Variants in ARSD observed in about 807,000 individuals in gnomAD.
ARSD encodes the protein arylsulfatase D, also known as testis tissue sperm-binding protein Li 39a.
Under a neutral mutation model 32.6 loss-of-function variants are expected in ARSD, and 21 were observed. The observed-to-expected ratio is 0.64, with a 90% CI of 0.46 to 0.93. The LOEUF (loss-of-function observed/expected upper bound fraction) is 0.93. Ranked by LOEUF, ARSD falls within the 40% of genes least tolerant of loss-of-function variation. The pLI, the probability that ARSD is intolerant of heterozygous loss-of-function variation, is 0.00. For synonymous variants in ARSD, 224 were observed against 237.4 expected, an observed-to-expected ratio of 0.94 and a Z score of 0.52; for missense variants, 454 against 520.9, an observed-to-expected ratio of 0.87 and a Z score of 1.25.
intron 7 of ARSD, 58 bp downstream of exon 7, chrX:2,910,601 C>T: frequency 8.3e-7 from 1 of 1,204,812 alleles, no homozygotes; most frequent in South Asian, 1.8e-5. Context: ...TTCTGGGACC[C>T]TCAGTGGTGG....
At position 2,907,473 on chromosome X, in the gene ARSD, C is replaced by T. The variant is rs777187813; in HGVS notation, c.1580G>A (p.Arg527Gln). 4 of 1,206,990 alleles carry T rather than the reference C, an allele frequency of 3.3e-6. No homozygotes were observed. The highest frequency in any genetic ancestry group is 4.4e-5 in the Admixed American group (2 of 45,477). ...GGGCTCGGAGTCGGGGGTCAGGGGC[C>T]GTGCCTCGGAGGGGTCCCTGGAGAG... ...FDLSRDPSEA[R>Q]PLTPDSEPLY... Residue 527 changes from arginine to glutamine, a missense_variant, in exon 10 of 10, where the codon CGG becomes CAG. Around this residue, in one of 3 missense-constraint regions of ARSD, gnomAD observed 179 missense variants for 198.5 expected, o/e 0.90. Coordinates refer to ENST00000381154, the MANE Select transcript of ARSD (RefSeq NM_001669.4).
At chrX:2,925,939 C>T (rs2089078935) in intron 1 of ARSD, among the ~76,000 whole-genome samples, 174 bp from the exon 2 acceptor site, 1 of 111,391 alleles carries the variant, frequency 9.0e-6, no homozygotes, top group African/African-American at 3.3e-5. Context: ...TGGGCCAAAC[C>T]GAGGGTCAGA....
rs779154450 is a variant in ARSD at position 2,915,736 on chromosome X, A to G, written c.864-44T>C. On this transcript the variant is annotated intron_variant, in intron 5 of 9. Transcript: ENST00000381154. ...CTTGAGAATACACAGAATATACAGTACACCAAAGGGACCCCTGCACCCATA... is the reference window on the plus strand; with the variant it reads ...CTTGAGAATACACAGAATATACAGTGCACCAAAGGGACCCCTGCACCCATA... 17 of 1,158,647 alleles carry G rather than the reference A, an allele frequency of 1.5e-5. No individual in the cohort carries two copies. In the South Asian group the frequency reaches 3.2e-4, roughly 22 times the overall value.
rs371280524 is a variant in ARSD, at chrX:2,907,253, C to G, written c.*18G>C. On this transcript the variant is annotated 3_prime_UTR_variant, in exon 10 of 10. Coordinates refer to ENST00000381154, the MANE Select transcript of ARSD (RefSeq NM_001669.4). ...ACGCAGTCAGGCTCTCCTGGATCCT[C>G]TCTCACAGTCCTGGCATTCAGGGGG... 3.4e-6 allele frequency: 4 copies of G among 1,190,505 alleles called. No homozygotes were observed. The East Asian group carries it at 1.2e-4, about 35-fold the overall frequency.
rs748572385 is a variant in ARSD, at chrX:2,920,456, C to T, written c.439+145G>A. 19 of 854,507 alleles carry T rather than the reference C, an allele frequency of 2.2e-5. 1 individual carries two copies. Among genetic ancestry groups the T allele is most frequent in the Middle Eastern group, 2.9e-4 (1 of 3,479 alleles). The allele number at this position is 854,507 out of a possible 1,213,427, so 70.4% of individuals were successfully genotyped here. A position where few individuals can be genotyped will look rare whatever the true frequency, so the allele number is the denominator to read the frequency against. Reference sequence around the variant, plus strand: ...TGTGATCTCGGCTCCCTGCAACCTCCGCTTCCCGGGTTCAAGCGATTCTCC... The same window carrying T: ...TGTGATCTCGGCTCCCTGCAACCTCTGCTTCCCGGGTTCAAGCGATTCTCC... On this transcript the variant is annotated intron_variant, in intron 4 of 9. Transcript: ENST00000381154.
Position 2,929,317 on chromosome X carries a change from C to G in ARSD, c.-42G>C. 1 of 939,910 alleles carries G rather than the reference C, an allele frequency of 1.1e-6. No individual in the cohort carries two copies. The highest frequency in any genetic ancestry group is 4.2e-5 in the East Asian group (1 of 23,809). The allele number at this position is 939,910 out of a possible 1,213,427, so 77.5% of individuals were successfully genotyped here. A position where few individuals can be genotyped will look rare whatever the true frequency, so the allele number is the denominator to read the frequency against. ...AGAGCGCAGGACCTTGCCCTGCGCA[C>G]TCCGCGCCCGGGCGCCGCTAGTGCC... is the stretch of plus-strand genomic sequence containing the variant. On this transcript the variant is annotated 5_prime_UTR_variant, in exon 1 of 10. Coordinates refer to ENST00000381154, the MANE Select transcript of ARSD (RefSeq NM_001669.4).
intron 2 of ARSD, among the ~76,000 whole-genome samples, chrX:2,922,998 T>C (rs1569091984): frequency 9.1e-6 from 1 of 110,455 alleles, no homozygotes; most frequent in African/African-American, 3.3e-5. Flanking sequence ...TGTGAAAGCC[T>C]CCTGACATAA....
chrX:2,925,347 G>A (rs1285987103), intron 2 of ARSD, among the ~76,000 whole-genome samples: 1 of 112,589 alleles, frequency 8.9e-6, no homozygotes, highest in African/African-American at 3.2e-5. Context: ...GAGGGAGCCC[G>A]GCCCTGCCCA....
chrX:2,925,303 G>A (rs1392902146), intron 2 of ARSD, among the ~76,000 whole-genome samples: 1 of 112,670 alleles, frequency 8.9e-6, no homozygotes, highest in Non-Finnish European at 1.9e-5. Flanking sequence ...CAGGAGCTGG[G>A]AAAGTCCGGA....
rs377707767 is a variant in ARSD at position 2,920,661 on chromosome X, C to T, written c.379G>A (p.Glu127Lys). ...QWNAGSGGLP[E>K]NETTFARILQ... The stretch of plus-strand genomic sequence containing the variant: ...ATTCTTGCAAAAGTGGTTTCGTTCT[C>T]AGGGAGTCCACCTGAGCCTGCGTTC... Residue 127 changes from glutamate to lysine, a missense_variant, in exon 4 of 10, where the codon GAG (glutamate) becomes AAG (lysine). By Grantham distance (56) the Glu-to-Lys change is moderately conservative. Around this residue, in one of 3 missense-constraint regions of ARSD, gnomAD observed 271 missense variants for 301.0 expected, o/e 0.90. Coordinates refer to ENST00000381154, the MANE Select transcript of ARSD (RefSeq NM_001669.4). 1 of 1,210,297 alleles carries T rather than the reference C, an allele frequency of 8.3e-7. No individual in the cohort carries two copies. The highest frequency in any genetic ancestry group is 1.7e-5 in the African/African-American group (1 of 57,267).
chrX:2,908,738 C>T lies in ARSD; in HGVS notation c.1403G>A (p.Arg468His), dbSNP rs778742858. The change falls in exon 9 of 10, where the codon CGC (arginine) becomes CAC (histidine). Residue 468 changes from arginine to histidine, a missense_variant. Physicochemically the swap from Arg to His is conservative, Grantham distance 29. This residue lies in a region of ARSD where 179 missense variants were observed against 198.5 expected (regional missense o/e 0.90). Coordinates refer to ENST00000381154, the MANE Select transcript of ARSD (RefSeq NM_001669.4). ...HYCGQHLHAA[R>H]WHQKDSGSVW... is the part of the protein sequence containing the mutation. ...GTACTCACTGTCCTTCTGGTGCCAG[C>T]GTGCTGCGTGAAGATGCTGCCCACA... The T allele has an allele frequency of 9.2e-6, 11 of 1,196,563 alleles. No individual in the cohort carries two copies. In the African/African-American group the frequency reaches 1.2e-4, roughly 13 times the overall value.
At chrX:2,919,377 A>G (rs1419599724) in intron 4 of ARSD, among the ~76,000 whole-genome samples, 1 of 107,304 alleles carries the variant, frequency 9.3e-6, no homozygotes, top group Non-Finnish European at 1.9e-5. Context: ...CTGCGCTCCC[A>G]CGTTCTCATG....
chrX:2,907,148 G>A lies in ARSD; in HGVS notation c.*123C>T. 1 of 627,382 alleles carries A rather than the reference G, an allele frequency of 1.6e-6. No individual in the cohort carries two copies. The highest frequency in any genetic ancestry group is 3.4e-5 in the East Asian group (1 of 29,346). The allele number at this position is 627,382 out of a possible 1,213,427, so 51.7% of individuals were successfully genotyped here. Reference sequence around the variant, plus strand: ...GAAAGAAAGAAAGAAAGAAAGTGGGGACCCACTCTCAGTCCAGGGCATGTT... The same window carrying A: ...GAAAGAAAGAAAGAAAGAAAGTGGGAACCCACTCTCAGTCCAGGGCATGTT... On this transcript the variant is annotated 3_prime_UTR_variant, in exon 10 of 10. Transcript: ENST00000381154.
At chrX:2,914,577 G>C in intron 6 of ARSD, 1 of 1,015,857 alleles carries the variant, frequency 9.8e-7, no homozygotes, top group South Asian at 1.9e-5. Flanking sequence ...ACTCTATCAC[G>C]ATGCTTGTCT....
chrX:2,918,879 C>T (rs2089002441), intron 4 of ARSD, among the ~76,000 whole-genome samples: 1 of 111,830 alleles, frequency 8.9e-6, no homozygotes, highest in Non-Finnish European at 1.9e-5. Context: ...TCTGGGAGGC[C>T]AAGGTAGGTG....
At chrX:2,927,421 G>A (rs1003651908) in intron 1 of ARSD, among the ~76,000 whole-genome samples, 35 of 109,647 alleles carry the variant, frequency 3.2e-4, no homozygotes, top group Non-Finnish European at 4.9e-4. Flanking sequence ...CACCACGCCC[G>A]GCTAATTTTT....
intron 8 of ARSD, 101 bp from the exon 9 acceptor site, chrX:2,908,943 A>T (rs1603461001): frequency 1.8e-6 from 2 of 1,130,072 alleles, no homozygotes; most frequent in East Asian, 6.1e-5. Flanking sequence ...GCTCCCCAGC[A>T]AATGGAGCAG....
At chrX:2,928,853 G>A (rs1205539161) in intron 1 of ARSD, among the ~76,000 whole-genome samples, 2 of 112,136 alleles carry the variant, frequency 1.8e-5, no homozygotes, top group East Asian at 2.9e-4. Flanking sequence ...GTAGCTGGGC[G>A]TGGAAGGCGG....
Position 2,915,483 on chromosome X carries a change from G to T in ARSD, c.1000+73C>A, listed in dbSNP as rs2088948187. 26 of 1,178,264 alleles carry T rather than the reference G, an allele frequency of 2.2e-5. No homozygotes were observed. The South Asian group carries it at 4.2e-4, about 19-fold the overall frequency. On this transcript the variant is annotated intron_variant, in intron 6 of 9. Coordinates refer to ENST00000381154, the MANE Select transcript of ARSD (RefSeq NM_001669.4). ...ATTGCAAGTTGGTTCATATTCAGAT[G>T]GCCAGTCTGTTACGCCCTATGTTCA...
Sources: allele counts gnomAD v4.1 joint callset (sites outside exome capture counted in the v4.1 genomes callset), GRCh38; gene constraint gnomAD v4.1.1; regional missense constraint gnomAD v4.1.1; transcripts MANE v1.5; gene names NCBI Gene and HGNC (gene_info 2026-07-23, HGNC 2026-07-21).